The following ERN2 variants were observed in gnomAD, a reference collection of about 807,000 sequenced individuals.
ERN2 encodes the protein endoplasmic reticulum to nucleus signaling 2.
In ERN2, 111 loss-of-function variants were observed where a neutral mutation model predicts 107.9. That is an observed-to-expected ratio of 1.03 (90% CI 0.88 to 1.20). ERN2 has a LOEUF of 1.20. Among genes scored for constraint, ERN2 ranks in the 50% most tolerant of loss-of-function variants. ERN2 has a pLI of 0.00. For synonymous variants in ERN2, 524 were observed against 501.7 expected, an observed-to-expected ratio of 1.04 and a Z score of -0.59; for missense variants, 1,225 against 1,197.9, an observed-to-expected ratio of 1.02 and a Z score of -0.33.
chr16:23,690,819 A>T lies in ERN2; in HGVS notation c.*12T>A. On this transcript the variant is annotated 3_prime_UTR_variant, in exon 22 of 22. Coordinates refer to ENST00000256797, the MANE Select transcript of ERN2 (RefSeq NM_033266.4). ...CCAGCACGGAGACCATCTGTGTGGCATCCAGCCCACCTCACCTCCCTGTGG... is the reference window on the plus strand; with the variant it reads ...CCAGCACGGAGACCATCTGTGTGGCTTCCAGCCCACCTCACCTCCCTGTGG... 6.2e-7 allele frequency: 1 copy of T among 1,603,214 alleles called. No individual in the cohort carries two copies. The highest frequency in any genetic ancestry group is 8.5e-7 in the Non-Finnish European group (1 of 1,176,898).
At chr16:23,693,850 C>G (rs1309591604) in intron 17 of ERN2, among the ~76,000 whole-genome samples, 1 of 152,138 alleles carries the variant, frequency 6.6e-6, no homozygotes. Context: ...GTGGGTCAGA[C>G]GCTGCTCTGT....
chr16:23,711,534 T>TC (rs1960540379), intron 1 of ERN2, among the ~76,000 whole-genome samples: 1 of 151,912 alleles, frequency 6.6e-6, no homozygotes, highest in Non-Finnish European at 1.5e-5. Flanking sequence ...TTTTTGTATT[T>TC]TTTTGTAGAG....
At position 23,695,295 on chromosome 16, in the gene ERN2, C is replaced by T; in HGVS notation, c.1705G>A (p.Asp569Asn). 6.2e-7 allele frequency: 1 copy of T among 1,613,990 alleles called. No individual in the cohort carries two copies. The highest frequency in any genetic ancestry group is 1.1e-5 in the South Asian group (1 of 91,074). Residue 569 changes from aspartate (D) to asparagine (N), a missense_variant, in exon 15 of 22, where the codon GAC (aspartate) becomes AAC (asparagine). Physicochemically the swap from Asp to Asn is conservative, Grantham distance 23 (BLOSUM62 1). Transcript: ENST00000256797. ...TAGCGGAGCACGTTGGGGTGCCTGTCAGACTCCTGCAGCAGTTGAACTTCC... is the reference window on the plus strand; with the variant it reads ...TAGCGGAGCACGTTGGGGTGCCTGTTAGACTCCTGCAGCAGTTGAACTTCC... ...RREVQLLQES[D>N]RHPNVLRYFC...
intron 3 of ERN2, 125 bp downstream of exon 3, chr16:23,710,391 T>A: frequency 8.2e-7 from 1 of 1,221,170 alleles, no homozygotes; most frequent in Non-Finnish European, 1.2e-6. Context: ...CTATATCACA[T>A]CCAGAGCCAA....
rs1959633154 is a variant in ERN2 at position 23,692,311 on chromosome 16, G to A, written c.2121C>T (p.Phe707=). 1 of 1,613,416 alleles carries A rather than the reference G, an allele frequency of 6.2e-7. No homozygotes were observed. The highest frequency in any genetic ancestry group is 8.5e-7 in the Non-Finnish European group (1 of 1,179,876). Residue 707 remains phenylalanine (F), a synonymous_variant, in exon 18 of 22, where the codon TTC becomes TTT. Coordinates refer to ENST00000256797, the MANE Select transcript of ERN2 (RefSeq NM_033266.4). ...PDSPTSAVDI[F]SAGCVFYYVL... ...CGTAGTAGAACACGCAGCCTGCAGA[G>A]AAGATGTCCACAGCGCTGGTCTGGA...
At chr16:23,706,675 T>C in intron 6 of ERN2, 79 bp downstream of exon 6, 1 of 1,006,532 alleles carries the variant, frequency 9.9e-7, no homozygotes, top group Non-Finnish European at 1.5e-6. Context: ...GAATTCAACT[T>C]GGTTAGCCAC....
intron 2 of ERN2, 135 bp from the exon 3 acceptor site, chr16:23,710,684 C>G: frequency 9.3e-7 from 1 of 1,080,886 alleles, no homozygotes; most frequent in South Asian, 1.3e-5. Flanking sequence ...TTCCCAAAAA[C>G]TCTGTCAGAT....
intron 14 of ERN2, 152 bp downstream of exon 14, chr16:23,695,742 A>AC (rs1959793614): frequency 5.0e-6 from 3 of 601,318 alleles, no homozygotes; most frequent in African/African-American, 1.9e-5. Flanking sequence ...AAAAAAAAAA[A>AC]AAAAACAGAT....
Position 23,713,191 on chromosome 16 carries a change from G to C in ERN2, c.-4C>G. 1.3e-6 allele frequency: 2 copies of C among 1,578,838 alleles called. No individual in the cohort carries two copies. The highest frequency in any genetic ancestry group is 1.7e-6 in the Non-Finnish European group (2 of 1,169,038). ...ACCCCCTGACCGCACTCGCCATAGC[G>C]CCTGGGCAGCTGCACGGCTGGCCAG... On this transcript the variant is annotated 5_prime_UTR_variant, in exon 1 of 22. Coordinates refer to ENST00000256797, the MANE Select transcript of ERN2 (RefSeq NM_033266.4).
chr16:23,704,164 C>T (rs1353283302), intron 8 of ERN2, among the ~76,000 whole-genome samples: 1 of 152,056 alleles, frequency 6.6e-6, no homozygotes, highest in African/African-American at 2.4e-5. Context: ...GCAATAATAC[C>T]TTAAATAAGT....
rs1249285982 is a variant in ERN2 at position 23,712,026 on chromosome 16, T to A, written c.94-1008A>T. ...CCAGTCCCTCCTTGAGCAAACAGGG[T>A]GAGGCTGAGCTCCCAGCAGGAGGCC... On this transcript the variant is annotated intron_variant, in intron 1 of 21. Transcript: ENST00000256797. 6.6e-6 allele frequency: 3 copies of A among 454,266 alleles called. No homozygotes were observed. In the East Asian group the frequency reaches 2.1e-4, roughly 32 times the overall value. The allele number at this position is 454,266 out of a possible 1,614,324, so 28.1% of individuals were successfully genotyped here.
At chr16:23,695,722 C>CAAAAAAAA (rs57103138) in intron 14 of ERN2, among the ~76,000 whole-genome samples, 172 bp downstream of exon 14, 9 of 37,372 alleles carry the variant, frequency 2.4e-4, no homozygotes, top group Middle Eastern at 0.014. Context: ...GAGCAAGACT[C>CAAAAAAAA]AAAAAAAAAA....
intron 14 of ERN2, among the ~76,000 whole-genome samples, 163 bp downstream of exon 14, chr16:23,695,731 A>AAAAC (rs1352245628): frequency 6.6e-6 from 1 of 150,836 alleles, no homozygotes; most frequent in Admixed American, 6.6e-5. Context: ...TCAAAAAAAA[A>AAAAC]AAAAAAAAAA....
chr16:23,699,862 C>G (rs1000609481), intron 13 of ERN2, among the ~76,000 whole-genome samples: 1 of 151,992 alleles, frequency 6.6e-6, no homozygotes, highest in Non-Finnish European at 1.5e-5. Flanking sequence ...TTAATATTAC[C>G]TAAGTATTAT....
intron 17 of ERN2, 143 bp from the exon 18 acceptor site, chr16:23,692,474 G>A: frequency 1.3e-6 from 1 of 791,006 alleles, no homozygotes; most frequent in South Asian, 1.7e-5. Context: ...CATCTCCTTG[G>A]CTCTAGATCC....
At chr16:23,693,991 T>G (rs1959702315) in intron 17 of ERN2, among the ~76,000 whole-genome samples, 1 of 152,094 alleles carries the variant, frequency 6.6e-6, no homozygotes, top group Non-Finnish European at 1.5e-5. Flanking sequence ...GGGTTTTGTT[T>G]GTTTGTTTGT....
chr16:23,710,593 C>G, intron 2 of ERN2, 44 bp from the exon 3 acceptor site: 1 of 1,609,084 alleles, frequency 6.2e-7, no homozygotes, highest in Non-Finnish European at 8.5e-7. Flanking sequence ...TCCTCCAGAC[C>G]CCACTGAAAA....
At chr16:23,702,781 T>C in intron 8 of ERN2, 79 bp from the exon 9 acceptor site, 1 of 1,216,198 alleles carries the variant, frequency 8.2e-7, no homozygotes, top group Non-Finnish European at 1.2e-6. Flanking sequence ...CTCATGCCCT[T>C]GTATATTTCC....
At chr16:23,710,779 G>T in intron 2 of ERN2, 134 bp downstream of exon 2, 1 of 827,022 alleles carries the variant, frequency 1.2e-6, no homozygotes. Context: ...CACACAGCTG[G>T]TAAGCAGTGA....
Sources: gnomAD v4.1 joint callset for allele counts (sites outside exome capture counted in the v4.1 genomes callset) on GRCh38, gnomAD v4.1.1 for gene constraint, MANE v1.5 for transcripts, NCBI Gene and HGNC (gene_info 2026-07-23, HGNC 2026-07-21) for gene names.